The following TMEM204 variants were observed in gnomAD, a reference collection of about 807,000 sequenced individuals.
TMEM204 encodes claudin-like protein 24.
Under a neutral mutation model 19.4 loss-of-function variants are expected in TMEM204, and 15 were observed. The observed-to-expected ratio is 0.77, with a 90% CI of 0.52 to 1.19. The LOEUF is 1.19. Among genes scored for constraint, TMEM204 ranks in the 50% most tolerant of loss-of-function variants. The pLI is 0.00. For missense variants in TMEM204, 287 were observed against 321.2 expected, an observed-to-expected ratio of 0.89 and a Z score of 0.81; for synonymous variants, 161 against 146.0, an observed-to-expected ratio of 1.10 and a Z score of -0.74.
At chr16:1,552,812 TA>T in intron 2 of TMEM204, 1 of 222,892 alleles carries the variant, frequency 4.5e-6, no homozygotes, top group Non-Finnish European at 7.5e-6. Context: ...CACACCTCAC[TA>T]ATTTTTTTTT....
At chr16:1,554,733 A>G (rs769545889) in intron 2 of TMEM204, 49 bp from the exon 3 acceptor site, 2 of 1,601,414 alleles carry the variant, frequency 1.2e-6, no homozygotes, top group Non-Finnish European at 1.7e-6. Flanking sequence ...AAGGAGTGGA[A>G]CCCGCCTTCC....
intron 1 of TMEM204, chr16:1,541,569 C>T: frequency 3.4e-6 from 3 of 893,816 alleles, no homozygotes; most frequent in Non-Finnish European, 4.0e-6. Context: ...CTTCCCCTTC[C>T]CACCTCCACC....
rs1350730052 is a variant in TMEM204, at chr16:1,553,475, G to A, written c.437-1307G>A. On this transcript the variant is annotated intron_variant, in intron 2 of 2. Coordinates refer to ENST00000566264, the MANE Select transcript of TMEM204 (RefSeq NM_024600.6). The surrounding 1 kb of genome is among the most constrained non-coding windows in gnomAD (Gnocchi z 4.4). ...ACAGGTGTCAACATGCAGGCCAGGCGGAGGGACAGCAGTGGGGCTCGGCGT... is the reference window on the plus strand; with the variant it reads ...ACAGGTGTCAACATGCAGGCCAGGCAGAGGGACAGCAGTGGGGCTCGGCGT... 6.1e-6 allele frequency: 6 copies of A among 985,352 alleles called. No individual in the cohort carries two copies. The highest frequency in any genetic ancestry group is 3.5e-5 in the African/African-American group (2 of 57,242). 61.0% of individuals were successfully genotyped at this position (985,352 alleles called of 1,614,324 possible).
At position 1,555,076 on chromosome 16, in the gene TMEM204, C is replaced by A; in HGVS notation, c.*50C>A. ...ACGCACACCTGCTATCGTGGAACAG[C>A]CTAGAAACCAAGGGACTCCACCACC... On this transcript the variant is annotated 3_prime_UTR_variant, in exon 3 of 3. Transcript: ENST00000566264. 1 of 1,561,194 alleles carries A rather than the reference C, an allele frequency of 6.4e-7. No individual in the cohort carries two copies. The highest frequency in any genetic ancestry group is 8.6e-7 in the Non-Finnish European group (1 of 1,156,700).
chr16:1,543,189 C>T (rs761056592), intron 2 of TMEM204, among the ~76,000 whole-genome samples: 2 of 152,260 alleles, frequency 1.3e-5, no homozygotes, highest in Non-Finnish European at 2.9e-5. Flanking sequence ...GAGCTGCCCG[C>T]ACCCTCCTTC....
chr16:1,541,941 G>A lies in TMEM204; in HGVS notation c.301G>A (p.Ala101Thr), dbSNP rs1482760733. The stretch of plus-strand genomic sequence containing the variant: ...CACAGTGCAGTTCGACATGATGCGC[G>A]CCTGCAACCTGGTGGCCACGGCCGC... The part of the protein sequence containing the change: ...TVKLQFDMMR[A>T]CNLVATAALT... Residue 101 changes from alanine (A) to threonine (T), a missense_variant, in exon 2 of 3, where the codon GCC (alanine) becomes ACC (threonine). By Grantham distance (58) the Ala-to-Thr change is moderately conservative. Coordinates refer to ENST00000566264, the MANE Select transcript of TMEM204 (RefSeq NM_024600.6). 7 of 1,606,590 alleles carry A rather than the reference G, an allele frequency of 4.4e-6. No individual in the cohort carries two copies. Among genetic ancestry groups the A allele is most frequent in the South Asian group, 1.1e-5 (1 of 90,486 alleles).
intron 1 of TMEM204, among the ~76,000 whole-genome samples, chr16:1,536,294 C>G (rs2031065542): frequency 3.3e-5 from 5 of 152,196 alleles, no homozygotes; most frequent in Admixed American, 3.3e-4. Context: ...ACCTATGCAT[C>G]CGTCCCAGGC....
chr16:1,539,320 C>T (rs1187645083), intron 1 of TMEM204, among the ~76,000 whole-genome samples: 2 of 152,204 alleles, frequency 1.3e-5, no homozygotes, highest in Non-Finnish European at 2.9e-5. Context: ...TGCCTTGGGC[C>T]TCAGCAAGCC....
Position 1,541,012 on chromosome 16 carries a change from C to T in TMEM204, c.281-909C>T, listed in dbSNP as rs1194476284. On this transcript the variant is annotated intron_variant, in intron 1 of 2. Transcript: ENST00000566264. The stretch of plus-strand genomic sequence containing the variant: ...GGGCCCCTGTGTAAGGTTTTATTTG[C>T]GGGAGAACATTTCTCTGCTACAGAA... 8 of 985,334 alleles carry T rather than the reference C, an allele frequency of 8.1e-6. No homozygotes were observed. In the Admixed American group the frequency reaches 1.8e-4, roughly 23 times the overall value. The allele number at this position is 985,334 out of a possible 1,614,324, so 61.0% of individuals were successfully genotyped here. A position where few individuals can be genotyped will look rare whatever the true frequency, so the allele number is the denominator to read the frequency against.
intron 2 of TMEM204, among the ~76,000 whole-genome samples, chr16:1,549,032 G>GCAC (rs1195404297): frequency 6.6e-6 from 1 of 152,214 alleles, no homozygotes; most frequent in Non-Finnish European, 1.5e-5. Context: ...CAGCAGCGGT[G>GCAC]CCCCTGCCTG....
upstream of TMEM204, among the ~76,000 whole-genome samples, chr16:1,529,110 G>A (rs2030160346): frequency 6.6e-6 from 1 of 152,200 alleles, no homozygotes; most frequent in Non-Finnish European, 1.5e-5. Flanking sequence ...GCCCGCTCCC[G>A]AAAGCCAGCA....
In TMEM204 at chr16:1,541,045, G is replaced by C. The variant is rs565814371; in HGVS notation, c.281-876G>C. 6.1e-6 allele frequency: 6 copies of C among 985,380 alleles called. No individual in the cohort carries two copies. In the African/African-American group the frequency reaches 7.0e-5, roughly 11 times the overall value. The allele number at this position is 985,380 out of a possible 1,614,324, so 61.0% of individuals were successfully genotyped here. A position where few individuals can be genotyped will look rare whatever the true frequency, so the allele number is the denominator to read the frequency against. Reference sequence around the variant, plus strand: ...CATTTCTCTGCTACAGAAACGTGACGAGCCCTGGTCCCTGAGGGCAACAAA... The same window carrying C: ...CATTTCTCTGCTACAGAAACGTGACCAGCCCTGGTCCCTGAGGGCAACAAA... On this transcript the variant is annotated intron_variant, in intron 1 of 2. Coordinates refer to ENST00000566264, the MANE Select transcript of TMEM204 (RefSeq NM_024600.6).
chr16:1,529,809 G>A (rs371411556), upstream of TMEM204, among the ~76,000 whole-genome samples: 6 of 152,200 alleles, frequency 3.9e-5, no homozygotes, highest in East Asian at 7.7e-4. Context: ...GCTGAGACAC[G>A]CCTCAAGACT....
At chr16:1,540,712 G>T (rs1294435905) in intron 1 of TMEM204, 3 of 516,866 alleles carry the variant, frequency 5.8e-6, no homozygotes, top group African/African-American at 2.1e-5. Flanking sequence ...TTCCCTCTTA[G>T]ATTCCTGCAT....
At chr16:1,531,621 C>T (rs558507288), upstream of TMEM204, 1 of 152,446 alleles carries the variant, frequency 6.6e-6, no homozygotes, top group East Asian at 1.9e-4. The surrounding 1 kb of genome is among the most constrained non-coding windows in gnomAD (Gnocchi z 4.7). Context: ...AGCCACAGAT[C>T]CTCCCAGGAG....
rs1009089942 is a variant in TMEM204, at chr16:1,552,992, T to C, written c.437-1790T>C. ...TAATAAAACAGAAGTATCCAGGAGCTACCCATGTATAAGAAGCTCCATGAA... is the reference window on the plus strand; with the variant it reads ...TAATAAAACAGAAGTATCCAGGAGCCACCCATGTATAAGAAGCTCCATGAA... On this transcript the variant is annotated intron_variant, in intron 2 of 2. Transcript: ENST00000566264. 5.1e-6 allele frequency: 5 copies of C among 985,242 alleles called. No homozygotes were observed. The African/African-American group carries it at 8.7e-5, about 17-fold the overall frequency. The allele number at this position is 985,242 out of a possible 1,614,324, so 61.0% of individuals were successfully genotyped here. A position where few individuals can be genotyped will look rare whatever the true frequency, so the allele number is the denominator to read the frequency against.
intron 1 of TMEM204, chr16:1,541,201 G>T (rs1469762235): frequency 1.8e-5 from 18 of 985,330 alleles, no homozygotes; most frequent in Non-Finnish European, 2.2e-5. Flanking sequence ...CAGGCCTGCT[G>T]TGAGTGGGGA....
chr16:1,535,912 G>C (rs2141246893), intron 1 of TMEM204, among the ~76,000 whole-genome samples: 1 of 152,376 alleles, frequency 6.6e-6, no homozygotes, highest in Middle Eastern at 3.4e-3. Context: ...CGAGGCTTGG[G>C]TCTCCGCGTG....
At chr16:1,546,368 A>G (rs1394367135) in intron 2 of TMEM204, among the ~76,000 whole-genome samples, 1 of 152,124 alleles carries the variant, frequency 6.6e-6, no homozygotes, top group Non-Finnish European at 1.5e-5. Context: ...GTTCTGCAGG[A>G]GCCCAGAGCA....
Sources: gnomAD v4.1 joint callset for allele counts (sites outside exome capture counted in the v4.1 genomes callset) on GRCh38, gnomAD v4.1.1 for gene constraint, Gnocchi (gnomAD v3.1) non-coding constraint, MANE v1.5 for transcripts, NCBI Gene and HGNC (gene_info 2026-07-23, HGNC 2026-07-21) for gene names.